Variants in CTIF observed in about 807,000 individuals in gnomAD.
CTIF encodes cap binding complex dependent translation initiation factor.
Under a neutral mutation model 66.0 loss-of-function variants are expected in CTIF, and 21 were observed. The ratio of observed to expected loss-of-function variants is 0.32; its 90% CI spans 0.23 to 0.46. The LOEUF is 0.46. CTIF is among the 20% of genes least tolerant of loss of function. The probability of loss-of-function intolerance (pLI) is 1.00; values close to 1 mark genes in which losing one functional copy is unlikely to be tolerated. For missense variants in CTIF, 739 were observed against 812.7 expected (o/e 0.91, Z 1.10); for synonymous variants, 345 against 326.4 (o/e 1.06, Z -0.62).
chr18:48,850,193 A>G (rs376894676), intron 10 of CTIF, among the ~76,000 whole-genome samples: 82 of 152,274 alleles, frequency 5.4e-4, no homozygotes, highest in African/African-American at 1.9e-3. Flanking sequence ...ATGTGTCTCA[A>G]TGGCCTTCCT....
At position 48,860,450 on chromosome 18, in the gene CTIF, C is replaced by T. The variant is rs182160852; in HGVS notation, c.*891C>T. 525 of 134,072 alleles carry T rather than the reference C, an allele frequency of 3.9e-3. 3 individuals are homozygous for T. Among genetic ancestry groups the T allele is most frequent in the African/African-American group, 0.014 (468 of 32,862 alleles). The allele number at this position is 134,072 out of a possible 1,614,324, so 8.3% of individuals were successfully genotyped here. A position where few individuals can be genotyped will look rare whatever the true frequency, so the allele number is the denominator to read the frequency against. On this transcript the variant is annotated 3_prime_UTR_variant, in exon 12 of 12. Transcript: ENST00000256413. Reference sequence around the variant, plus strand: ...TTAGGGTAATTGGAAACTTCTGCCCCGGCGGGGGGTCCCCGCTGGAATCCT... The same window carrying T: ...TTAGGGTAATTGGAAACTTCTGCCCTGGCGGGGGGTCCCCGCTGGAATCCT...
At chr18:48,735,694 T>TG (rs2092495288) in intron 7 of CTIF, among the ~76,000 whole-genome samples, 2 of 152,186 alleles carry the variant, frequency 1.3e-5, no homozygotes, top group Admixed American at 1.3e-4. Context: ...CCCATTTAGT[T>TG]GGAGTCTTGA....
intron 6 of CTIF, among the ~76,000 whole-genome samples, chr18:48,675,000 G>A (rs1033856114): frequency 2.2e-5 from 3 of 139,458 alleles, no homozygotes; most frequent in Non-Finnish European, 4.6e-5. Context: ...CCTCAGGCCA[G>A]TTGAGACTGA....
intron 1 of CTIF, among the ~76,000 whole-genome samples, chr18:48,553,982 C>G (rs2088956810): frequency 6.6e-6 from 1 of 152,120 alleles, no homozygotes; most frequent in African/African-American, 2.4e-5. Context: ...CCACTCATGA[C>G]CTCAGAGCTC....
At chr18:48,771,208 GTCT>G (rs1910081820) in intron 9 of CTIF, among the ~76,000 whole-genome samples, 1 of 152,172 alleles carries the variant, frequency 6.6e-6, no homozygotes, top group Non-Finnish European at 1.5e-5. Context: ...CTTTCATGAA[GTCT>G]TCTGGGCTCC....
At chr18:48,855,044 G>A (rs889095464) in intron 10 of CTIF, among the ~76,000 whole-genome samples, 1 of 152,272 alleles carries the variant, frequency 6.6e-6, no homozygotes, top group African/African-American at 2.4e-5. Flanking sequence ...CCCTGGAGCA[G>A]GGCCTGGTCT....
At chr18:48,638,812 C>T (rs1378825211) in intron 3 of CTIF, among the ~76,000 whole-genome samples, 7 of 152,262 alleles carry the variant, frequency 4.6e-5, no homozygotes, top group Non-Finnish European at 1.5e-5. Flanking sequence ...ACAGGTGGAA[C>T]TGAGACGTAG....
At chr18:48,751,169 C>T (rs1568187447) in intron 7 of CTIF, among the ~76,000 whole-genome samples, 1 of 152,128 alleles carries the variant, frequency 6.6e-6, no homozygotes, top group African/African-American at 2.4e-5. Context: ...GCCTCAGGAC[C>T]ACCCTCAGAG....
intron 5 of CTIF, among the ~76,000 whole-genome samples, chr18:48,669,821 A>G (rs1367132110): frequency 1.7e-5 from 2 of 117,454 alleles, no homozygotes; most frequent in Non-Finnish European, 3.6e-5. Flanking sequence ...ATATATATAT[A>G]TATATATATA....
At position 48,555,620 on chromosome 18, in the gene CTIF, C is replaced by T. The variant is rs147383723; in HGVS notation, c.-29+16308C>T. Among the ~76,000 whole-genome samples, 795 of 152,366 alleles carry T rather than the reference C, an allele frequency of 5.2e-3. 6 individuals are homozygous for T. The highest frequency in any genetic ancestry group is 0.016 in the African/African-American group (668 of 41,588). ...CTGTGTCTTAGCACTGCCACCTCCC[C>T]CTGGGCCTGCCAGCCTCTGGCTTCA... is the stretch of plus-strand genomic sequence containing the variant. On this transcript the variant is annotated intron_variant, in intron 1 of 11. Transcript: ENST00000256413.
chr18:48,644,762 T>G lies in CTIF; in HGVS notation c.252+8077T>G, dbSNP rs542899815. On this transcript the variant is annotated intron_variant, in intron 3 of 11. Coordinates refer to ENST00000256413, the MANE Select transcript of CTIF (RefSeq NM_014772.3). Reference sequence around the variant, plus strand: ...GGCAGCATGTGAGTATGGGGAGGAGTAGGCTGGTGTCCGCACAGGGCCTTG... The same window carrying G: ...GGCAGCATGTGAGTATGGGGAGGAGGAGGCTGGTGTCCGCACAGGGCCTTG... Among the ~76,000 whole-genome samples the G allele has an allele frequency of 6.6e-5, 10 of 151,840 alleles. No individual in the cohort carries two copies. In the East Asian group the frequency reaches 1.9e-3, roughly 29 times the overall value.
chr18:48,812,434 T>C (rs771854318), intron 9 of CTIF, among the ~76,000 whole-genome samples: 10 of 152,218 alleles, frequency 6.6e-5, no homozygotes, highest in Non-Finnish European at 1.2e-4. Flanking sequence ...TGTCTCTGAA[T>C]TTTTAACCTC....
chr18:48,547,230 A>G (rs2088773585), intron 1 of CTIF, among the ~76,000 whole-genome samples: 1 of 152,190 alleles, frequency 6.6e-6, no homozygotes, highest in African/African-American at 2.4e-5. Flanking sequence ...CCAAGCCTTC[A>G]TCTCTTAGGA....
chr18:48,834,038 C>CTCCCA (rs2068753596), intron 10 of CTIF, among the ~76,000 whole-genome samples: 1 of 152,088 alleles, frequency 6.6e-6, no homozygotes, highest in African/African-American at 2.4e-5. Flanking sequence ...CTCCTTTCCC[C>CTCCCA]TCCCCTCCCC....
chr18:48,580,938 C>T (rs1288349440), intron 1 of CTIF, among the ~76,000 whole-genome samples: 4 of 152,362 alleles, frequency 2.6e-5, no homozygotes, highest in African/African-American at 4.8e-5. Context: ...GCAGGCATCG[C>T]GGCCCCACCC....
rs1231279136 is a variant in CTIF at position 48,859,834 on chromosome 18, C to T, written c.*275C>T. On this transcript the variant is annotated 3_prime_UTR_variant, in exon 12 of 12. Coordinates refer to ENST00000256413, the MANE Select transcript of CTIF (RefSeq NM_014772.3). ...GTGGCCCTGGCCCTCCCCTTCCTCA[C>T]TCCCGCCTCTCCCCTCCCCATCAGA... 1 of 614,122 alleles carries T rather than the reference C, an allele frequency of 1.6e-6. No homozygotes were observed. The highest frequency in any genetic ancestry group is 3.4e-5 in the East Asian group (1 of 29,184). 38.0% of individuals were successfully genotyped at this position (614,122 alleles called of 1,614,324 possible). A position where few individuals can be genotyped will look rare whatever the true frequency, so the allele number is the denominator to read the frequency against.
intron 3 of CTIF, among the ~76,000 whole-genome samples, chr18:48,658,066 C>T (rs1440561137): frequency 6.6e-6 from 1 of 152,184 alleles, no homozygotes; most frequent in Admixed American, 6.5e-5. Flanking sequence ...CTTCCTGCTT[C>T]TCTGACTTCT....
Position 48,859,332 on chromosome 18 carries a change from CTCTG to C in CTIF, c.1582-7_1582-4del. 6.2e-7 allele frequency: 1 copy of C among 1,613,176 alleles called. No individual in the cohort carries two copies. On this transcript the variant is annotated splice_polypyrimidine_tract_variant and splice_region_variant and intron_variant, in intron 11 of 11. Transcript: ENST00000256413. ...ACCCGAGGCCATCCTAACCCCACATCTCTGTCTGCAGCTGCAGAGTACAGGCCGG... is the reference window on the plus strand; with the variant it reads ...ACCCGAGGCCATCCTAACCCCACATCTCTGCAGCTGCAGAGTACAGGCCGG...
intron 3 of CTIF, among the ~76,000 whole-genome samples, chr18:48,657,488 C>T (rs1195062713): frequency 1.3e-5 from 2 of 152,170 alleles, no homozygotes; most frequent in Admixed American, 6.5e-5. Flanking sequence ...AACCACCAAC[C>T]CTCCCTTCTC....
Sources: gnomAD v4.1 joint callset for allele counts (sites outside exome capture counted in the v4.1 genomes callset) on GRCh38, gnomAD v4.1.1 for gene constraint, MANE v1.5 for transcripts, NCBI Gene and HGNC (gene_info 2026-07-23, HGNC 2026-07-21) for gene names.